EPM2A: variants seen among roughly 807,000 people sequenced by gnomAD.
The protein encoded by EPM2A is EPM2A glucan phosphatase, laforin, also known as laforin.
EPM2A carries 21 observed loss-of-function variants against 26.5 expected under a neutral mutation model. That is an observed-to-expected ratio of 0.79 (90% confidence interval 0.56 to 1.14). The LOEUF (loss-of-function observed/expected upper bound fraction) is 1.14, where lower values mean the gene tolerates loss of function less well. EPM2A is among the 50% of genes most tolerant of loss of function. The pLI, the probability that EPM2A is intolerant of heterozygous loss-of-function variation, is 0.00. For synonymous variants in EPM2A, 217 were observed against 177.6 expected (o/e 1.22, Z -1.76); for missense variants, 458 against 440.8 (o/e 1.04, Z -0.35).
At chr6:145,553,865 A>G (rs1288790654) in intron 2 of EPM2A, among the ~76,000 whole-genome samples, 2 of 147,952 alleles carry the variant, frequency 1.4e-5, no homozygotes, top group Non-Finnish European at 3.0e-5. Flanking sequence ...AAATACATAT[A>G]TATTACTTGA....
At chr6:145,706,034 G>A (rs1782206572) in intron 1 of EPM2A, 1 of 437,516 alleles carries the variant, frequency 2.3e-6, no homozygotes, top group African/African-American at 2.0e-5. Context: ...GACTTGGAAT[G>A]TTTAGGTTTC....
chr6:145,656,069 T>G (rs939233464), intron 2 of EPM2A, among the ~76,000 whole-genome samples: 4 of 151,974 alleles, frequency 2.6e-5, no homozygotes, highest in African/African-American at 4.8e-5. Context: ...TATGCAAGAG[T>G]ACAGAAGTTA....
At chr6:145,537,116 G>C (rs1366531518) in intron 2 of EPM2A, among the ~76,000 whole-genome samples, 1 of 152,158 alleles carries the variant, frequency 6.6e-6, no homozygotes, top group Non-Finnish European at 1.5e-5. Context: ...AACTGTTACA[G>C]GAATTATTGT....
chr6:145,579,788 T>A (rs12208812), intron 2 of EPM2A, among the ~76,000 whole-genome samples: 1 of 151,866 alleles, frequency 6.6e-6, no homozygotes, highest in Non-Finnish European at 1.5e-5. Flanking sequence ...CTTTTCTGTC[T>A]TTTGGATTAA....
At position 145,452,733 on chromosome 6, in the gene EPM2A, G is replaced by A. The variant is rs566665023; in HGVS notation, c.555+49789C>T. On this transcript the variant is annotated intron_variant, in intron 4 of 4. Transcript: ENST00000638717. ...AGATTTTGACAAATTAAAAATAAAT[G>A]TATATTTTCAAGTAATGTTTGAACT... Among the ~76,000 whole-genome samples the A allele has an allele frequency of 5.9e-3, 886 of 150,960 alleles. 8 individuals are homozygous for A. The highest frequency in any genetic ancestry group is 6.3e-3 in the Non-Finnish European group (424 of 67,810).
At chr6:145,433,670 C>A (rs1293345797) in intron 4 of EPM2A, among the ~76,000 whole-genome samples, 2 of 152,128 alleles carry the variant, frequency 1.3e-5, no homozygotes, top group African/African-American at 4.8e-5. Context: ...ACTGAGACTT[C>A]CAGTGAAACA....
rs2128555538 is a variant in EPM2A, at chr6:145,626,873, T to C, written c.*543A>G. 1 of 994,550 alleles carries C rather than the reference T, an allele frequency of 1.0e-6. No homozygotes were observed. The highest frequency in any genetic ancestry group is 1.2e-6 in the Non-Finnish European group (1 of 834,838). 61.6% of individuals were successfully genotyped at this position (994,550 alleles called of 1,614,324 possible). ...ATGCCTTGGAACAGACTTTAACAAC[T>C]GTGAGGCAGGATAAAAAACAAGTCC... On this transcript the variant is annotated 3_prime_UTR_variant, in exon 4 of 4. Coordinates refer to ENST00000367519, the MANE Select transcript of EPM2A (RefSeq NM_005670.4).
intron 1 of EPM2A, among the ~76,000 whole-genome samples, chr6:145,687,731 T>C (rs1781022060): frequency 6.6e-6 from 1 of 152,208 alleles, no homozygotes; most frequent in Admixed American, 6.5e-5. Flanking sequence ...AATTATTTGA[T>C]GTTTCTTTGA....
chr6:145,539,817 G>C (rs1780482505), intron 2 of EPM2A, among the ~76,000 whole-genome samples: 1 of 152,072 alleles, frequency 6.6e-6, no homozygotes, highest in African/African-American at 2.4e-5. Context: ...AATTCCTAGG[G>C]ATAGTAAACA....
chr6:145,478,890 T>G (rs1471532349), intron 4 of EPM2A, among the ~76,000 whole-genome samples: 3 of 151,822 alleles, frequency 2.0e-5, no homozygotes, highest in Admixed American at 1.3e-4. Flanking sequence ...TATTAAGATC[T>G]GCTTTTGGCT....
chr6:145,426,266 C>T (rs957886292), intron 4 of EPM2A, among the ~76,000 whole-genome samples: 1 of 152,188 alleles, frequency 6.6e-6, no homozygotes, highest in African/African-American at 2.4e-5. Flanking sequence ...TGGCAGTCTT[C>T]ACACTGCTCC....
intron 4 of EPM2A, among the ~76,000 whole-genome samples, chr6:145,408,848 T>C (rs1399748997): frequency 6.6e-6 from 1 of 152,162 alleles, no homozygotes; most frequent in African/African-American, 2.4e-5. Context: ...CACTTTTTAG[T>C]TGAGTCCTCT....
At chr6:145,563,791 C>T (rs1022501527) in intron 2 of EPM2A, among the ~76,000 whole-genome samples, 1 of 152,068 alleles carries the variant, frequency 6.6e-6, no homozygotes, top group African/African-American at 2.4e-5. Context: ...CCCACCCTCA[C>T]CATAGTGACC....
Position 145,558,121 on chromosome 6 carries a change from AT to A in EPM2A, c.341-55547del, listed in dbSNP as rs1197718201. ...GGATTTCCTTCTTTATTAAGGCTGA[AT>A]AGTATTCTATTATTTATATATACTA... On this transcript the variant is annotated intron_variant, in intron 2 of 3. Coordinates refer to the EPM2A transcript ENST00000450221. 5.5e-4 allele frequency among the ~76,000 whole-genome samples: 83 copies of A among 152,244 alleles called. 1 individual carries two copies. Among genetic ancestry groups the A allele is most frequent in the Admixed American group, 8.5e-4 (13 of 15,276 alleles).
intron 4 of EPM2A, among the ~76,000 whole-genome samples, chr6:145,474,175 G>A (rs1278886853): frequency 1.3e-5 from 2 of 152,010 alleles, no homozygotes; most frequent in Non-Finnish European, 2.9e-5. Context: ...AAAGTAGTGG[G>A]TATGGGACCA....
At chr6:145,491,743 C>T (rs188418640) in intron 4 of EPM2A, 1 of 521,902 alleles carries the variant, frequency 1.9e-6, no homozygotes, top group Admixed American at 2.0e-5. Flanking sequence ...CTGTCCCTGT[C>T]AGTAACTTCT....
At chr6:145,687,888 C>T (rs1583057277) in intron 1 of EPM2A, among the ~76,000 whole-genome samples, 2 of 152,108 alleles carry the variant, frequency 1.3e-5, no homozygotes, top group African/African-American at 4.8e-5. Context: ...CTCTATTAAC[C>T]TTCATTTTTA....
intron 1 of EPM2A, among the ~76,000 whole-genome samples, chr6:145,728,908 T>C (rs1776343048): frequency 6.6e-6 from 1 of 151,982 alleles, no homozygotes; most frequent in African/African-American, 2.4e-5. Context: ...GAGGGAAAAA[T>C]AGTTTCACAG....
chr6:145,468,848 A>G (rs1463424299), intron 4 of EPM2A, among the ~76,000 whole-genome samples: 1 of 152,148 alleles, frequency 6.6e-6, no homozygotes, highest in Non-Finnish European at 1.5e-5. Context: ...AAGTGAAGGA[A>G]CAACCCACAG....
Sources: allele counts gnomAD v4.1 joint callset (sites outside exome capture counted in the v4.1 genomes callset), GRCh38; gene constraint gnomAD v4.1.1; transcripts MANE v1.5; gene names NCBI Gene and HGNC (gene_info 2026-07-23, HGNC 2026-07-21).